ANK2: variants seen among roughly 807,000 people sequenced by gnomAD.
The protein encoded by ANK2 is ankyrin-2.
In ANK2, 83 loss-of-function variants were observed where a neutral mutation model predicts 360.5. That is an observed-to-expected ratio of 0.23 (90% CI 0.19 to 0.28). The LOEUF (loss-of-function observed/expected upper bound fraction) is 0.28. Ranked by LOEUF, ANK2 falls within the 10% of genes least tolerant of loss-of-function variation. The pLI is 1.00. For missense variants in ANK2, 4,201 were observed against 4,795.7 expected (o/e 0.88, Z 3.66); for synonymous variants, 1,740 against 1,759.5 (o/e 0.99, Z 0.28).
intron 1 of ANK2, among the ~76,000 whole-genome samples, chr4:113,109,536 A>T (rs2154364739): frequency 6.6e-6 from 1 of 152,230 alleles, no homozygotes; most frequent in East Asian, 1.9e-4. Context: ...AGGGCTCCCT[A>T]TTGGACTGTG....
chr4:112,738,293 T>G, the ANK2 span, among the ~76,000 whole-genome samples: 9 of 151,182 alleles, frequency 6.0e-5, no homozygotes, highest in Admixed American at 2.0e-4. Context: ...GCACCTGCAA[T>G]CCAAGCTACT....
chr4:113,270,864 C>T (rs939947109), intron 14 of ANK2, among the ~76,000 whole-genome samples: 1 of 152,142 alleles, frequency 6.6e-6, no homozygotes, highest in African/African-American at 2.4e-5. Flanking sequence ...TATTTTAAAG[C>T]GTACTTTCAC....
intron 1 of ANK2, among the ~76,000 whole-genome samples, chr4:112,822,306 TACTC>T (rs1174197656): frequency 6.7e-6 from 1 of 148,816 alleles, no homozygotes; most frequent in Admixed American, 6.7e-5. Context: ...TAGTCCCAGT[TACTC>T]AGGAGACTGA....
chr4:113,308,378 TGGA>T (rs1249195588), intron 23 of ANK2, among the ~76,000 whole-genome samples: 1 of 152,122 alleles, frequency 6.6e-6, no homozygotes, highest in Non-Finnish European at 1.5e-5. Flanking sequence ...AAAATTTAGG[TGGA>T]GAAGTCCAGA....
the ANK2 span, among the ~76,000 whole-genome samples, chr4:112,726,944 A>G: frequency 1.3e-5 from 2 of 152,034 alleles, no homozygotes; most frequent in African/African-American, 4.8e-5. Flanking sequence ...AGAATTATCA[A>G]TAATTTATTG....
chr4:112,965,136 C>T (rs1325275568), intron 2 of ANK2, among the ~76,000 whole-genome samples: 1 of 152,140 alleles, frequency 6.6e-6, no homozygotes, highest in African/African-American at 2.4e-5. Context: ...TTAAGATTCC[C>T]TTTTCTCCAC....
At chr4:112,842,573 A>G (rs1049171153) in intron 1 of ANK2, among the ~76,000 whole-genome samples, 1 of 152,178 alleles carries the variant, frequency 6.6e-6, no homozygotes, top group Non-Finnish European at 1.5e-5. Context: ...AGAGATTTTC[A>G]TAAGAAGCCC....
At chr4:112,909,547 T>C (rs1340614781) in intron 2 of ANK2, among the ~76,000 whole-genome samples, 1 of 152,230 alleles carries the variant, frequency 6.6e-6, no homozygotes, top group Non-Finnish European at 1.5e-5. Context: ...ACTATTTTTT[T>C]GTTTTGTTTT....
intron 2 of ANK2, chr4:113,034,846 A>G (rs1463488014): frequency 1.3e-5 from 2 of 152,018 alleles, no homozygotes; most frequent in African/African-American, 2.4e-5. Context: ...AATAGACATA[A>G]TAATTATTTT....
At chr4:113,289,564 A>G (rs555731042) in intron 20 of ANK2, among the ~76,000 whole-genome samples, 82 of 152,318 alleles carry the variant, frequency 5.4e-4, no homozygotes, top group African/African-American at 1.9e-3. Context: ...TAGTGTGAGC[A>G]CATTCAGGAC....
the ANK2 span, among the ~76,000 whole-genome samples, chr4:112,769,671 G>A: frequency 6.6e-6 from 1 of 152,120 alleles, no homozygotes; most frequent in Non-Finnish European, 1.5e-5. Context: ...GTTAAACATC[G>A]TTTCTGAGTT....
chr4:113,240,808 T>C (rs2039385720), intron 8 of ANK2, among the ~76,000 whole-genome samples: 1 of 152,172 alleles, frequency 6.6e-6, no homozygotes. Context: ...TTATTTCCAA[T>C]AGTTAAGGAT....
intron 1 of ANK2, among the ~76,000 whole-genome samples, chr4:113,159,800 G>A (rs566798244): frequency 7.9e-5 from 12 of 151,214 alleles, no homozygotes; most frequent in African/African-American, 2.7e-4. Context: ...ATGTATTTTT[G>A]TAGTAGAGAT....
Position 113,348,291 on chromosome 4 carries a change from C to A in ANK2, c.4387C>A (p.Gln1463Lys), listed in dbSNP as rs569624547. The A allele has an allele frequency of 6.2e-7, 1 of 1,613,336 alleles. No individual in the cohort carries two copies. The highest frequency in any genetic ancestry group is 1.3e-5 in the African/African-American group (1 of 74,956). Residue 1463 changes from glutamine to lysine, a missense_variant, in exon 36 of 46, where the codon CAA becomes AAA. Around this residue, in one of 4 missense-constraint regions of ANK2, gnomAD observed 1,268 missense variants for 1,650.8 expected, o/e 0.77. Coordinates refer to ENST00000357077, the MANE Select transcript of ANK2 (RefSeq NM_001148.6). ...GGGCGGAAAGGAATCAGAGTCAGAT[C>A]AAGAACAGGAGGAAGAGGTAATTTT... The part of the protein sequence containing the change: ...PIYTKESESD[Q>K]EQEEEIDMTS...
chr4:113,305,689 T>A (rs932191404), intron 23 of ANK2, among the ~76,000 whole-genome samples: 1 of 152,222 alleles, frequency 6.6e-6, no homozygotes, highest in African/African-American at 2.4e-5. Flanking sequence ...GCCAACACTT[T>A]AATGTTTTGT....
At chr4:112,922,090 C>G (rs6844208) in intron 2 of ANK2, among the ~76,000 whole-genome samples, 5,473 of 152,304 alleles carry the variant, frequency 0.036, 150 homozygotes, top group African/African-American at 0.071. Context: ...TAGGGCTACT[C>G]TAACTCGTCT....
chr4:113,162,447 T>G (rs1367291198), intron 1 of ANK2, among the ~76,000 whole-genome samples: 1 of 152,206 alleles, frequency 6.6e-6, no homozygotes, highest in African/African-American at 2.4e-5. Context: ...CAATATGATC[T>G]TTATAACTCC....
intron 18 of ANK2, among the ~76,000 whole-genome samples, chr4:113,285,819 C>CG (rs1317450149): frequency 2.6e-4 from 39 of 152,206 alleles, no homozygotes; most frequent in African/African-American, 8.9e-4. Flanking sequence ...TGAAAGGAGG[C>CG]CGGGGGAAGG....
At chr4:112,738,883 AAAC>A in the ANK2 span, 1 of 668,296 alleles carries the variant, frequency 1.5e-6, no homozygotes. Flanking sequence ...ACAAACAAAC[AAAC>A]AAAAAAACAA....
Sources: allele counts gnomAD v4.1 joint callset (sites outside exome capture counted in the v4.1 genomes callset), GRCh38; gene constraint gnomAD v4.1.1; regional missense constraint gnomAD v4.1.1; transcripts MANE v1.5; gene names NCBI Gene and HGNC (gene_info 2026-07-23, HGNC 2026-07-21).